Variants in TENM3 observed in about 807,000 individuals in gnomAD.
TENM3 encodes teneurin-3.
In TENM3, 63 loss-of-function variants were observed where a neutral mutation model predicts 255.1. The observed-to-expected ratio is 0.25, with a 90% CI of 0.20 to 0.30. The LOEUF (loss-of-function observed/expected upper bound fraction) is 0.30, where lower values mean the gene tolerates loss of function less well. Among genes scored for constraint, TENM3 ranks in the 10% least tolerant of loss-of-function variants. The pLI is 1.00. For synonymous variants in TENM3, 1,306 were observed against 1,322.3 expected (o/e 0.99, Z 0.27); for missense variants, 2,929 against 3,461.1 (o/e 0.85, Z 3.86).
chr4:181,870,710 C>T, the TENM3 span, among the ~76,000 whole-genome samples: 4 of 151,922 alleles, frequency 2.6e-5, no homozygotes, highest in Non-Finnish European at 5.9e-5. Flanking sequence ...TTTGGGTAGA[C>T]CTTTGTCAGA....
the TENM3 span, chr4:182,085,227 CTG>C: frequency 6.6e-6 from 1 of 152,246 alleles, no homozygotes; most frequent in South Asian, 2.1e-4. Flanking sequence ...TTTTGTAAAA[CTG>C]AGAACTCCAG....
At chr4:182,290,262 T>G (rs1761030986) in intron 1 of TENM3, among the ~76,000 whole-genome samples, 1 of 152,160 alleles carries the variant, frequency 6.6e-6, no homozygotes, top group Admixed American at 6.5e-5. Context: ...GAGCTGGCAC[T>G]TTACCTACTT....
intron 3 of TENM3, among the ~76,000 whole-genome samples, chr4:182,418,942 C>A (rs1001550894): frequency 4.6e-5 from 7 of 152,048 alleles, no homozygotes; most frequent in African/African-American, 1.7e-4. Flanking sequence ...CTCAGATCTG[C>A]GGCACGTTCC....
chr4:181,953,622 G>T, the TENM3 span, among the ~76,000 whole-genome samples: 1 of 152,036 alleles, frequency 6.6e-6, no homozygotes, highest in Non-Finnish European at 1.5e-5. Context: ...CGAGGTTGCA[G>T]TGAGCCAAGA....
the TENM3 span, among the ~76,000 whole-genome samples, chr4:181,689,620 G>A: frequency 1.8e-3 from 275 of 152,224 alleles, no homozygotes; most frequent in African/African-American, 6.4e-3. Context: ...TAAAAGTATG[G>A]CATGATCTTC....
intron 7 of TENM3, among the ~76,000 whole-genome samples, chr4:182,673,848 C>T (rs961749085): frequency 2.6e-5 from 4 of 152,290 alleles, no homozygotes; most frequent in Admixed American, 2.0e-4. Context: ...AGTCGTTTCC[C>T]TTGCATAAAA....
At chr4:182,618,441 T>G (rs1749750829) in intron 4 of TENM3, among the ~76,000 whole-genome samples, 1 of 152,100 alleles carries the variant, frequency 6.6e-6, no homozygotes, top group Non-Finnish European at 1.5e-5. Flanking sequence ...TAAAATGAAC[T>G]TTGATATATT....
rs769635937 is a variant in TENM3, at chr4:182,754,879, A to G, written c.4512A>G (p.Leu1504=). 6.2e-7 allele frequency: 1 copy of G among 1,614,038 alleles called. No homozygotes were observed. The highest frequency in any genetic ancestry group is 1.7e-5 in the Admixed American group (1 of 60,028). ...RIRAVSKNKP[L]LNSMNFYEVA... ...GGGCTGTGTCAAAGAATAAGCCTTT[A>G]CTTAACTCTATGAACTTCTATGAAG... The change falls in exon 22 of 28, where the codon TTA becomes TTG. Residue 1504 remains leucine, a synonymous_variant. Transcript: ENST00000511685. This position sits in a 1 kb window ranked among gnomAD's most constrained non-coding sequence, Gnocchi z 5.1.
intron 11 of TENM3, among the ~76,000 whole-genome samples, chr4:182,687,759 C>CCTGAGATG (rs11282304): frequency 1 from 151,652 of 151,948 alleles, 75,679 homozygotes; most frequent in Middle Eastern, 1. Flanking sequence ...CTGTTAGATA[C>CCTGAGATG]CTGAGATGCT....
the TENM3 span, among the ~76,000 whole-genome samples, chr4:181,550,315 A>G: frequency 1.3e-5 from 2 of 152,244 alleles, no homozygotes; most frequent in Non-Finnish European, 2.9e-5. Context: ...GATCATAGCC[A>G]ATGACTAGTA....
At chr4:182,401,745 G>C (rs972390829) in intron 3 of TENM3, among the ~76,000 whole-genome samples, 4 of 151,956 alleles carry the variant, frequency 2.6e-5, no homozygotes, top group African/African-American at 9.7e-5. Context: ...TTTAATGACT[G>C]GTCATAACAG....
chr4:181,605,558 GAAAGAA>G, the TENM3 span, among the ~76,000 whole-genome samples: 39 of 28,618 alleles, frequency 1.4e-3, 4 homozygotes, highest in African/African-American at 1.7e-3. Context: ...AAGAAAGAAA[GAAAGAA>G]AGAAAGAGAG....
chr4:182,731,981 T>C lies in TENM3; in HGVS notation c.2967+842T>C, dbSNP rs191602687. ...TATTTTTAGTAGAGGCAGGGTTTCA[T>C]CATGTTGGCCAGGATGGTCTCCATC... On this transcript the variant is annotated intron_variant, in intron 16 of 27. Coordinates refer to ENST00000511685, the MANE Select transcript of TENM3 (RefSeq NM_001080477.4). Among the ~76,000 whole-genome samples, 877 of 151,886 alleles carry C rather than the reference T, an allele frequency of 5.8e-3. 13 individuals carry two copies. In the East Asian group the frequency reaches 0.062, roughly 11 times the overall value.
chr4:182,688,072 C>T, intron 11 of TENM3, 94 bp from the exon 12 acceptor site: 1 of 1,243,822 alleles, frequency 8.0e-7, no homozygotes, highest in South Asian at 1.6e-5. Flanking sequence ...TTCCCTTGAA[C>T]AAATTTGTGT....
At chr4:182,448,364 C>A (rs1378291897) in intron 3 of TENM3, among the ~76,000 whole-genome samples, 1 of 152,136 alleles carries the variant, frequency 6.6e-6, no homozygotes, top group East Asian at 1.9e-4. Flanking sequence ...AGGCTGGGGG[C>A]CCTGCGACCG....
chr4:182,049,740 G>A, the TENM3 span, among the ~76,000 whole-genome samples: 2 of 152,324 alleles, frequency 1.3e-5, no homozygotes, highest in African/African-American at 2.4e-5. Context: ...GCCAGTCACA[G>A]ATCTCGGCAT....
chr4:182,695,331 G>A (rs1172115747), intron 12 of TENM3, among the ~76,000 whole-genome samples: 2 of 152,080 alleles, frequency 1.3e-5, no homozygotes, highest in African/African-American at 2.4e-5. Flanking sequence ...ATCCCACAAG[G>A]GAACACCCAT....
chr4:181,520,099 G>C, the TENM3 span, among the ~76,000 whole-genome samples: 1 of 152,178 alleles, frequency 6.6e-6, no homozygotes, highest in Non-Finnish European at 1.5e-5. Flanking sequence ...TTTTCTACAA[G>C]ATGGTGGCAA....
At chr4:182,195,999 T>A (rs974324666) in intron 1 of TENM3, among the ~76,000 whole-genome samples, 1 of 152,172 alleles carries the variant, frequency 6.6e-6, no homozygotes. Context: ...AGGGCCAAGA[T>A]TAACTGCCCT....
Sources: gnomAD v4.1 joint callset for allele counts (sites outside exome capture counted in the v4.1 genomes callset) on GRCh38, gnomAD v4.1.1 for gene constraint, Gnocchi (gnomAD v3.1) non-coding constraint, MANE v1.5 for transcripts, NCBI Gene and HGNC (gene_info 2026-07-23, HGNC 2026-07-21) for gene names.